Variants in REEP1 observed in about 807,000 individuals in gnomAD.
REEP1 encodes receptor expression-enhancing protein 1.
REEP1 carries 22 observed loss-of-function variants against 40.3 expected under a neutral mutation model. The observed-to-expected ratio is 0.55, with a 90% confidence interval of 0.39 to 0.78. REEP1 has a LOEUF of 0.78. Ranked by LOEUF, REEP1 falls within the 30% of genes least tolerant of loss-of-function variation. The probability of loss-of-function intolerance (pLI) is 0.00; values close to 1 mark genes in which losing one functional copy is unlikely to be tolerated. For missense variants in REEP1, 280 were observed against 361.1 expected, an observed-to-expected ratio of 0.78 and a Z score of 1.82; for synonymous variants, 116 against 139.2, an observed-to-expected ratio of 0.83 and a Z score of 1.17.
chr2:86,274,819 G>A (rs552667590), intron 2 of REEP1, among the ~76,000 whole-genome samples: 1 of 152,286 alleles, frequency 6.6e-6, no homozygotes, highest in South Asian at 2.1e-4. Flanking sequence ...ATCTAGGAGT[G>A]AAGAGATGGG....
chr2:86,291,783 CAGT>C (rs201765590), intron 1 of REEP1, among the ~76,000 whole-genome samples: 1 of 152,198 alleles, frequency 6.6e-6, no homozygotes, highest in East Asian at 1.9e-4. Flanking sequence ...CATGAAGAGG[CAGT>C]TGCATTACTT....
chr2:86,243,876 A>G (rs994453389), intron 5 of REEP1, among the ~76,000 whole-genome samples: 1 of 152,218 alleles, frequency 6.6e-6, no homozygotes, highest in Non-Finnish European at 1.5e-5. Flanking sequence ...TGGCCAGGAA[A>G]TGCTCCTCTG....
At chr2:86,336,297 G>C (rs755915510) in intron 1 of REEP1, among the ~76,000 whole-genome samples, 2 of 152,212 alleles carry the variant, frequency 1.3e-5, no homozygotes, top group African/African-American at 4.8e-5. Context: ...ACAGACACTG[G>C]CTTTGGGAGG....
intron 3 of REEP1, among the ~76,000 whole-genome samples, chr2:86,262,589 G>A (rs1166002770): frequency 1.3e-5 from 2 of 152,254 alleles, no homozygotes; most frequent in African/African-American, 4.8e-5. Context: ...GATTCAGAGA[G>A]TGCTATTCAG....
At chr2:86,296,623 G>A (rs760082174) in intron 1 of REEP1, among the ~76,000 whole-genome samples, 4 of 152,210 alleles carry the variant, frequency 2.6e-5, no homozygotes, top group Non-Finnish European at 4.4e-5. Context: ...TTGGGAGGCT[G>A]AGGCAGGCGG....
chr2:86,256,023 T>A (rs1168117439), intron 3 of REEP1, among the ~76,000 whole-genome samples: 1 of 152,108 alleles, frequency 6.6e-6, no homozygotes, highest in Non-Finnish European at 1.5e-5. Flanking sequence ...GAACTGCCCC[T>A]CCCACAAGGT....
At chr2:86,316,680 G>A (rs1469794738) in intron 1 of REEP1, among the ~76,000 whole-genome samples, 1 of 151,834 alleles carries the variant, frequency 6.6e-6, no homozygotes, top group Non-Finnish European at 1.5e-5. Flanking sequence ...CCAACATGGT[G>A]AAACCCTATC....
rs370270332 is a variant in REEP1 at position 86,217,091 on chromosome 2, C to T, written c.803G>A (p.Arg268Gln). 5 of 1,614,024 alleles carry T rather than the reference C, an allele frequency of 3.1e-6. No individual in the cohort carries two copies. The highest frequency in any genetic ancestry group is 1.7e-4 in the Middle Eastern group (1 of 6,060). The stretch of plus-strand genomic sequence containing the variant: ...GGTACTTTTCTTCCTGAAGCGAGAT[C>T]GAAGGATTCTAGGCGGTGCCTGGTA... The part of the protein sequence containing the change: ...LPLEAPPRIL[R>Q]SRFRKKSTSS... The change falls in exon 9 of 9, where the codon CGA (arginine) becomes CAA (glutamine). Residue 268 changes from arginine to glutamine, a missense_variant. Arg to Gln is a conservative substitution (Grantham distance 43, BLOSUM62 1). Transcript: ENST00000538924.
intron 4 of REEP1, 65 bp from the exon 5 acceptor site, chr2:86,252,135 T>C (rs1286008568): frequency 2.6e-6 from 3 of 1,176,462 alleles, no homozygotes; most frequent in Non-Finnish European, 3.8e-6. Flanking sequence ...TTTTCTTTCC[T>C]TTCCTCTGAG....
intron 5 of REEP1, among the ~76,000 whole-genome samples, chr2:86,245,245 A>G (rs1425626738): frequency 6.6e-6 from 1 of 152,168 alleles, no homozygotes; most frequent in Non-Finnish European, 1.5e-5. Context: ...CTGGCCACAA[A>G]AATATGGGAC....
chr2:86,318,522 C>T (rs547927037), intron 1 of REEP1, among the ~76,000 whole-genome samples: 4 of 151,918 alleles, frequency 2.6e-5, no homozygotes, highest in African/African-American at 7.2e-5. Context: ...CTCAGCCTCC[C>T]GAGTAGCTGG....
intron 1 of REEP1, among the ~76,000 whole-genome samples, chr2:86,315,753 C>T (rs975800303): frequency 1.3e-5 from 2 of 152,182 alleles, no homozygotes; most frequent in African/African-American, 2.4e-5. Context: ...CTCTCTGGGT[C>T]ACCATCCCAG....
intron 1 of REEP1, among the ~76,000 whole-genome samples, chr2:86,335,709 C>T (rs961739817): frequency 3.9e-5 from 6 of 151,920 alleles, no homozygotes; most frequent in Admixed American, 2.6e-4. Context: ...ATTAGCTGGG[C>T]GTGGTGGCAG....
At chr2:86,289,730 C>A (rs925782383) in intron 1 of REEP1, among the ~76,000 whole-genome samples, 1 of 152,062 alleles carries the variant, frequency 6.6e-6, no homozygotes, top group African/African-American at 2.4e-5. Flanking sequence ...TTGTAAATTT[C>A]TCCATAAAGA....
Position 86,217,109 on chromosome 2 carries a change from G to C in REEP1, c.785C>G (p.Ala262Gly). Residue 262 changes from alanine to glycine, a missense_variant and splice_region_variant, in exon 9 of 9, where the codon GCA (alanine) becomes GGA (glycine). Ala to Gly is a moderately conservative substitution (Grantham distance 60). Coordinates refer to ENST00000538924, the MANE Select transcript of REEP1 (RefSeq NM_001371279.1). ...APRRMELPLE[A>G]PPRILRSRFR... ...GCGAGATCGAAGGATTCTAGGCGGT[G>C]CCTGGTAGAGAAAACAGAAAGGTGT... 1 of 1,613,812 alleles carries C rather than the reference G, an allele frequency of 6.2e-7. No homozygotes were observed. Among genetic ancestry groups the C allele is most frequent in the Non-Finnish European group, 8.5e-7 (1 of 1,179,708 alleles).
At chr2:86,221,150 T>G (rs984103657) in intron 7 of REEP1, among the ~76,000 whole-genome samples, 1 of 152,168 alleles carries the variant, frequency 6.6e-6, no homozygotes, top group Non-Finnish European at 1.5e-5. Flanking sequence ...CCACCGAATG[T>G]GCTCTCTCTC....
At chr2:86,242,482 G>A (rs966586974) in intron 5 of REEP1, among the ~76,000 whole-genome samples, 6 of 152,004 alleles carry the variant, frequency 3.9e-5, no homozygotes, top group African/African-American at 1.4e-4. Context: ...GATCAGAGGA[G>A]GCTTCATGGA....
chr2:86,242,480 G>C (rs916179927), intron 5 of REEP1, among the ~76,000 whole-genome samples: 1 of 152,042 alleles, frequency 6.6e-6, no homozygotes, highest in Admixed American at 6.6e-5. Context: ...GGGATCAGAG[G>C]AGGCTTCATG....
intron 1 of REEP1, among the ~76,000 whole-genome samples, chr2:86,291,700 C>T (rs1036912149): frequency 6.6e-6 from 1 of 152,198 alleles, no homozygotes; most frequent in African/African-American, 2.4e-5. Flanking sequence ...CTTCTCCTAT[C>T]CAACAAGACG....
Sources: allele counts gnomAD v4.1 joint callset (sites outside exome capture counted in the v4.1 genomes callset), GRCh38; gene constraint gnomAD v4.1.1; transcripts MANE v1.5; gene names NCBI Gene and HGNC (gene_info 2026-07-23, HGNC 2026-07-21).